MPZL1: variants seen among roughly 807,000 people sequenced by gnomAD.
The protein encoded by MPZL1 is myelin protein zero like 1, also known as myelin protein zero-like protein 1.
A neutral mutation model predicts 29.3 loss-of-function variants in MPZL1; 16 were observed. The observed-to-expected ratio is 0.55, with a 90% confidence interval of 0.37 to 0.83. The LOEUF (loss-of-function observed/expected upper bound fraction) is 0.83. Among genes scored for constraint, MPZL1 ranks in the 40% least tolerant of loss-of-function variants. The pLI, the probability that MPZL1 is intolerant of heterozygous loss-of-function variation, is 0.00. For missense variants in MPZL1, 279 were observed against 332.9 expected, an observed-to-expected ratio of 0.84 and a Z score of 1.26; for synonymous variants, 143 against 132.0, an observed-to-expected ratio of 1.08 and a Z score of -0.57.
In MPZL1 at chr1:167,788,805, G is replaced by A. The variant is rs1661644411; in HGVS notation, c.*884G>A. The stretch of plus-strand genomic sequence containing the variant: ...AGAGGAGTTTCTTTCCTTCTAAGTA[G>A]GCAGAAATGGTATCATTATGTTGCC... On this transcript the variant is annotated 3_prime_UTR_variant, in exon 6 of 6. Coordinates refer to ENST00000359523, the MANE Select transcript of MPZL1 (RefSeq NM_003953.6). 1 of 151,656 alleles carries A rather than the reference G, an allele frequency of 6.6e-6. No individual in the cohort carries two copies. The highest frequency in any genetic ancestry group is 1.5e-5 in the Non-Finnish European group (1 of 67,998). The allele number at this position is 151,656 out of a possible 1,614,324, so 9.4% of individuals were successfully genotyped here. A position where few individuals can be genotyped will look rare whatever the true frequency, so the allele number is the denominator to read the frequency against.
chr1:167,733,660 G>A (rs144651173), intron 1 of MPZL1, among the ~76,000 whole-genome samples: 360 of 152,054 alleles, frequency 2.4e-3, no homozygotes, highest in African/African-American at 8.5e-3. Context: ...CACAAGAATC[G>A]CTTGAATCCA....
In MPZL1 at chr1:167,768,046, TG is replaced by T. The variant is rs149941388; in HGVS notation, c.258+2298del. ...GCTGTCTATTGAGCAATGTTAACTGTGTGCCTGGTCTTGTGCAGTAGCCCCT... is the reference window on the plus strand; with the variant it reads ...GCTGTCTATTGAGCAATGTTAACTGTTGCCTGGTCTTGTGCAGTAGCCCCT... On this transcript the variant is annotated intron_variant, in intron 2 of 5. Transcript: ENST00000359523. Among the ~76,000 whole-genome samples the T allele has an allele frequency of 1.4e-3, 213 of 152,204 alleles. 2 individuals are homozygous for T. Among genetic ancestry groups the T allele is most frequent in the African/African-American group, 4.7e-3 (194 of 41,504 alleles).
intron 3 of MPZL1, among the ~76,000 whole-genome samples, chr1:167,772,834 T>C (rs541491414): frequency 1.3e-5 from 2 of 152,372 alleles, no homozygotes; most frequent in South Asian, 4.1e-4. Flanking sequence ...TCATACTGTT[T>C]TATATTCTCC....
chr1:167,752,231 A>G (rs1024133826), intron 1 of MPZL1, among the ~76,000 whole-genome samples: 1 of 152,200 alleles, frequency 6.6e-6, no homozygotes, highest in African/African-American at 2.4e-5. Context: ...ATCTTTCATA[A>G]AATATTCCCT....
chr1:167,750,518 A>G (rs1660734261), intron 1 of MPZL1, among the ~76,000 whole-genome samples: 1 of 152,140 alleles, frequency 6.6e-6, no homozygotes, highest in African/African-American at 2.4e-5. Context: ...GGTTTTTCAG[A>G]TGTTAACATT....
In MPZL1 at chr1:167,737,950, CAG is replaced by C. The variant is rs1660411542; in HGVS notation, c.91+15711_91+15712del. Among the ~76,000 whole-genome samples, 4 of 151,894 alleles carry C rather than the reference CAG, an allele frequency of 2.6e-5. No individual in the cohort carries two copies. The South Asian group carries it at 6.2e-4, about 24-fold the overall frequency. On this transcript the variant is annotated intron_variant, in intron 1 of 5. Coordinates refer to ENST00000359523, the MANE Select transcript of MPZL1 (RefSeq NM_003953.6). ...GTTTGTTTGTTTGTTTGTTTTGAGACAGAGTCTTGCTCTCGCTCAGGCTGGAG... is the reference window on the plus strand; with the variant it reads ...GTTTGTTTGTTTGTTTGTTTTGAGACAGTCTTGCTCTCGCTCAGGCTGGAG...
chr1:167,737,412 TG>T (rs1440515812), intron 1 of MPZL1, among the ~76,000 whole-genome samples: 7 of 152,132 alleles, frequency 4.6e-5, no homozygotes, highest in African/African-American at 1.2e-4. Flanking sequence ...AGGATGAGGC[TG>T]GGGAGGGAAC....
At chr1:167,761,892 G>A (rs1660997628) in intron 1 of MPZL1, among the ~76,000 whole-genome samples, 1 of 152,178 alleles carries the variant, frequency 6.6e-6, no homozygotes, top group South Asian at 2.1e-4. Flanking sequence ...AAGGGGGTGA[G>A]TATAATGGTG....
At chr1:167,764,597 A>G (rs1381623943) in intron 1 of MPZL1, among the ~76,000 whole-genome samples, 1 of 152,248 alleles carries the variant, frequency 6.6e-6, no homozygotes, top group Non-Finnish European at 1.5e-5. Context: ...ATATCTTAGG[A>G]TAGTTTTAAT....
rs1452966009 is a variant in MPZL1 at position 167,790,618 on chromosome 1, C to G, written c.*2697C>G. 6.6e-6 allele frequency: 1 copy of G among 152,220 alleles called. No homozygotes were observed. The highest frequency in any genetic ancestry group is 2.4e-5 in the African/African-American group (1 of 41,440). The allele number at this position is 152,220 out of a possible 1,614,324, so 9.4% of individuals were successfully genotyped here. ...GATCTGCCCTCTCCATGTCTTCGTC[C>G]TGGCAAACAGGGTCGTCTTAAAATT... On this transcript the variant is annotated 3_prime_UTR_variant, in exon 6 of 6. Transcript: ENST00000359523.
intron 1 of MPZL1, among the ~76,000 whole-genome samples, chr1:167,755,171 A>G (rs1286945062): frequency 6.6e-6 from 1 of 152,232 alleles, no homozygotes; most frequent in African/African-American, 2.4e-5. Context: ...AGTAGGCATC[A>G]GTATTTTTAA....
chr1:167,730,667 G>A (rs1326313951), intron 1 of MPZL1, among the ~76,000 whole-genome samples: 1 of 152,162 alleles, frequency 6.6e-6, no homozygotes, highest in African/African-American at 2.4e-5. Flanking sequence ...ATACCATACT[G>A]GGCTCAGAAT....
chr1:167,782,495 T>C (rs957001500), intron 5 of MPZL1, among the ~76,000 whole-genome samples: 11 of 152,190 alleles, frequency 7.2e-5, no homozygotes, highest in African/African-American at 2.7e-4. Flanking sequence ...TATTTACTCA[T>C]GAGAAGATTT....
At position 167,744,725 on chromosome 1, in the gene MPZL1, AT is replaced by A. The variant is rs139330647; in HGVS notation, c.92-20854del. On this transcript the variant is annotated intron_variant, in intron 1 of 5. Transcript: ENST00000359523. ...AGAACCTCCAAATAGCAGTTTGCCC[AT>A]TTTCTCCTTCCAAGTTCACATATAG... Among the ~76,000 whole-genome samples, 1,010 of 150,066 alleles carry A rather than the reference AT, an allele frequency of 6.7e-3. 15 individuals are homozygous for A. The highest frequency in any genetic ancestry group is 0.024 in the African/African-American group (964 of 40,866).
At chr1:167,723,602 AGAGGT>A (rs1660084643) in intron 1 of MPZL1, among the ~76,000 whole-genome samples, 1 of 152,262 alleles carries the variant, frequency 6.6e-6, no homozygotes, top group African/African-American at 2.4e-5. Flanking sequence ...GTTATGCATG[AGAGGT>A]CAGACATTGC....
chr1:167,765,983 A>G, intron 2 of MPZL1: 1 of 310,006 alleles, frequency 3.2e-6, no homozygotes, highest in Non-Finnish European at 5.9e-6. Context: ...CCATTCTGAA[A>G]TTGATCTTAA....
At chr1:167,755,897 T>C (rs1206667514) in intron 1 of MPZL1, among the ~76,000 whole-genome samples, 1 of 152,050 alleles carries the variant, frequency 6.6e-6, no homozygotes. Flanking sequence ...AGGAGACCAT[T>C]TGCAGGAGAG....
chr1:167,765,548 C>A (rs889366851), intron 1 of MPZL1, 35 bp from the exon 2 acceptor site: 3 of 1,558,332 alleles, frequency 1.9e-6, no homozygotes, highest in Non-Finnish European at 8.7e-7. Context: ...CATGTTAAGT[C>A]CTACTTTCAA....
At chr1:167,735,115 G>A (rs1660350416) in intron 1 of MPZL1, among the ~76,000 whole-genome samples, 1 of 152,284 alleles carries the variant, frequency 6.6e-6, no homozygotes. Context: ...CTCAAGCTGG[G>A]AATTTGAATC....
Sources: allele counts gnomAD v4.1 joint callset (sites outside exome capture counted in the v4.1 genomes callset), GRCh38; gene constraint gnomAD v4.1.1; transcripts MANE v1.5; gene names NCBI Gene and HGNC (gene_info 2026-07-23, HGNC 2026-07-21).